Variants in PCDHGA1 observed in about 807,000 individuals in gnomAD.
PCDHGA1 encodes the protein protocadherin gamma subfamily A, 1, also known as protocadherin gamma-A1.
Under a neutral mutation model 58.0 loss-of-function variants are expected in PCDHGA1, and 32 were observed. The ratio of observed to expected loss-of-function variants is 0.55; its 90% CI spans 0.42 to 0.74. The LOEUF is 0.74. Ranked by LOEUF, PCDHGA1 falls within the 30% of genes least tolerant of loss-of-function variation. PCDHGA1 has a pLI of 0.00. For synonymous variants in PCDHGA1, 498 were observed against 501.1 expected (o/e 0.99, Z 0.08); for missense variants, 1,205 against 1,182.3 (o/e 1.02, Z -0.28).
intron 2 of PCDHGA1, among the ~76,000 whole-genome samples, chr5:141,502,002 C>T (rs1434269040): frequency 1.3e-5 from 2 of 152,164 alleles, no homozygotes; most frequent in South Asian, 2.1e-4. Context: ...CCTGACAACC[C>T]GCATGCTCTC....
chr5:141,460,142 G>A (rs932507660), intron 1 of PCDHGA1, among the ~76,000 whole-genome samples: 5 of 151,950 alleles, frequency 3.3e-5, no homozygotes, highest in African/African-American at 1.2e-4. Flanking sequence ...TATTCTTGAT[G>A]TGAGCTCTTT....
chr5:141,347,399 C>T (rs1342826817), intron 1 of PCDHGA1, among the ~76,000 whole-genome samples: 1 of 152,006 alleles, frequency 6.6e-6, no homozygotes, highest in Non-Finnish European at 1.5e-5. Context: ...AAGTGATCTG[C>T]CCACGTCAGC....
intron 1 of PCDHGA1, chr5:141,478,712 G>A (rs1160573848): frequency 3.2e-6 from 5 of 1,547,048 alleles, no homozygotes; most frequent in Non-Finnish European, 4.4e-6. Flanking sequence ...TTTGTGAGAT[G>A]GTGGCCTGCC....
At chr5:141,408,211 G>C in intron 1 of PCDHGA1, 1 of 1,554,426 alleles carries the variant, frequency 6.4e-7, no homozygotes, top group Non-Finnish European at 8.7e-7. Context: ...CGATGGGAGG[G>C]AGCTGCGCGC....
chr5:141,357,079 C>A (rs760842215), intron 1 of PCDHGA1: 2 of 1,613,938 alleles, frequency 1.2e-6, no homozygotes, highest in Non-Finnish European at 1.7e-6. Flanking sequence ...AGGCGAGGTG[C>A]GCACCGCACG....
intron 1 of PCDHGA1, chr5:141,378,927 G>C (rs2150134897): frequency 6.6e-6 from 1 of 152,318 alleles, no homozygotes; most frequent in Admixed American, 6.5e-5. Context: ...AAAGTAAGTT[G>C]ATGGCCCTGG....
At position 141,390,084 on chromosome 5, in the gene PCDHGA1, G is replaced by A. The variant is rs755692863; in HGVS notation, c.2421+56979G>A. Reference sequence around the variant, plus strand: ...CCAGCCTGGTCTCTGTGTTAAATCCGAATCCGTGGTTCCCCCCAACTACAG... The same window carrying A: ...CCAGCCTGGTCTCTGTGTTAAATCCAAATCCGTGGTTCCCCCCAACTACAG... On this transcript the variant is annotated intron_variant, in intron 1 of 3. Transcript: ENST00000517417. 8 of 1,613,954 alleles carry A rather than the reference G, an allele frequency of 5.0e-6. No homozygotes were observed. In the African/African-American group the frequency reaches 9.3e-5, roughly 19 times the overall value.
Position 141,371,209 on chromosome 5 carries a change from G to A in PCDHGA1, c.2421+38104G>A, listed in dbSNP as rs143352621. 154 of 1,614,006 alleles carry A rather than the reference G, an allele frequency of 9.5e-5. No individual in the cohort carries two copies. The African/African-American group carries it at 1.8e-3, about 19-fold the overall frequency. ...GTGATGGCCATTGACATGGATGAGG[G>A]CATCAATGCCGAAATCATCTATGCC... On this transcript the variant is annotated intron_variant, in intron 1 of 3. Transcript: ENST00000517417.
chr5:141,390,187 G>T, intron 1 of PCDHGA1: 1 of 1,614,040 alleles, frequency 6.2e-7, no homozygotes, highest in Non-Finnish European at 8.5e-7. Flanking sequence ...CTAAAATGTA[G>T]TGAGCAGTTG....
chr5:141,383,272 G>C (rs369691483), intron 1 of PCDHGA1: 1 of 1,613,802 alleles, frequency 6.2e-7, no homozygotes, highest in Non-Finnish European at 8.5e-7. Flanking sequence ...GGAAATAATA[G>C]ATATTAATGA....
At chr5:141,350,573 AC>A (rs1192655993) in intron 1 of PCDHGA1, 2 of 1,614,016 alleles carry the variant, frequency 1.2e-6, no homozygotes, top group Non-Finnish European at 1.7e-6. Flanking sequence ...AGAATTCGAA[AC>A]GGTCGCTGAA....
chr5:141,498,971 GGGAAGGAAGGAAGGAAGGAAGGAAGGAA>G (rs201769957), intron 2 of PCDHGA1, among the ~76,000 whole-genome samples: 8 of 111,052 alleles, frequency 7.2e-5, no homozygotes, highest in South Asian at 3.8e-4. Flanking sequence ...GAGGGAGGGA[GGGAAGGAAGGAAGGAAGGAAGGAAGGAA>G]GGAAGGAAGG....
intron 1 of PCDHGA1, chr5:141,385,874 A>G (rs1465622834): frequency 6.5e-6 from 1 of 153,030 alleles, no homozygotes; most frequent in Non-Finnish European, 1.5e-5. Context: ...GGTTGGATTT[A>G]TGCCTAAAGA....
Position 141,432,046 on chromosome 5 carries a change from C to G in PCDHGA1, c.2422-62761C>G, listed in dbSNP as rs1389286417. The G allele has an allele frequency of 6.2e-7, 1 of 1,614,224 alleles. No individual in the cohort carries two copies. The highest frequency in any genetic ancestry group is 2.2e-5 in the East Asian group (1 of 44,886). The stretch of plus-strand genomic sequence containing the variant: ...CAGTGACCGCCACTGACCGGGGAAC[C>G]CCGCCCCTATCCACGGAAACTCATA... On this transcript the variant is annotated intron_variant, in intron 1 of 3. Coordinates refer to ENST00000517417, the MANE Select transcript of PCDHGA1 (RefSeq NM_018912.3). This position sits in a 1 kb window ranked among gnomAD's most constrained non-coding sequence, Gnocchi z 6.0.
At chr5:141,509,077 C>A (rs1371396735) in intron 3 of PCDHGA1, among the ~76,000 whole-genome samples, 3 of 152,242 alleles carry the variant, frequency 2.0e-5, no homozygotes, top group Admixed American at 2.0e-4. Flanking sequence ...CGGGGATTTG[C>A]GACATGAAAT....
At chr5:141,345,595 A>C in intron 1 of PCDHGA1, 1 of 1,614,152 alleles carries the variant, frequency 6.2e-7, no homozygotes, top group Non-Finnish European at 8.5e-7. Flanking sequence ...AGATCCTTCG[A>C]CTACGAGCAA....
chr5:141,352,654 T>A, intron 1 of PCDHGA1: 2 of 1,597,678 alleles, frequency 1.3e-6, no homozygotes, highest in South Asian at 2.2e-5. Flanking sequence ...CTTATGACCC[T>A]TCTTTGTCTT....
chr5:141,423,525 G>A (rs1014975146), intron 1 of PCDHGA1: 8 of 1,613,710 alleles, frequency 5.0e-6, no homozygotes, highest in African/African-American at 2.7e-5. Context: ...ACTCGCAGAA[G>A]AGTCACCTGA....
At chr5:141,351,742 G>A (rs772414660) in intron 1 of PCDHGA1, 14 of 1,613,558 alleles carry the variant, frequency 8.7e-6, no homozygotes, top group Admixed American at 5.0e-5. Flanking sequence ...ACCTGGAGCC[G>A]CGGGAGCTGT....
Sources: allele counts gnomAD v4.1 joint callset (sites outside exome capture counted in the v4.1 genomes callset), GRCh38; gene constraint gnomAD v4.1.1; non-coding constraint Gnocchi (gnomAD v3.1); transcripts MANE v1.5; gene names NCBI Gene and HGNC (gene_info 2026-07-23, HGNC 2026-07-21).